The following MAP3K14 variants were observed in gnomAD, a reference collection of about 807,000 sequenced individuals.
The protein encoded by MAP3K14 is NF-kappa-beta-inducing kinase.
MAP3K14 carries 16 observed loss-of-function variants against 99.2 expected under a neutral mutation model. That is an observed-to-expected ratio of 0.16 (90% confidence interval 0.11 to 0.24). MAP3K14 has a LOEUF of 0.24. MAP3K14 is among the 10% of genes least tolerant of loss of function. MAP3K14 has a pLI of 1.00. For synonymous variants in MAP3K14, 462 were observed against 492.4 expected (o/e 0.94, Z 0.82); for missense variants, 784 against 1,208.7 (o/e 0.65, Z 5.21).
intron 3 of MAP3K14, among the ~76,000 whole-genome samples, chr17:45,288,139 G>C (rs2044282171): frequency 6.6e-6 from 1 of 152,212 alleles, no homozygotes; most frequent in Admixed American, 6.5e-5. Context: ...CAGTCCTGGG[G>C]ACCACTGGAG....
intron 11 of MAP3K14, 147 bp downstream of exon 11, chr17:45,270,266 A>G: frequency 9.5e-7 from 1 of 1,049,996 alleles, no homozygotes; most frequent in Non-Finnish European, 1.3e-6. Flanking sequence ...CAATCTCCCA[A>G]CAACCCTGAG....
intron 1 of MAP3K14, among the ~76,000 whole-genome samples, chr17:45,298,382 C>T (rs192665841): frequency 7.2e-5 from 11 of 152,250 alleles, no homozygotes; most frequent in South Asian, 2.1e-4. Context: ...AACCACAGTA[C>T]ATGTGAGTAG....
intron 1 of MAP3K14, among the ~76,000 whole-genome samples, chr17:45,292,798 T>G (rs535722838): frequency 5.9e-5 from 9 of 152,240 alleles, no homozygotes; most frequent in African/African-American, 2.2e-4. Context: ...CTAACAGCAG[T>G]AGGGAATGCT....
intron 1 of MAP3K14, among the ~76,000 whole-genome samples, chr17:45,305,743 T>C (rs2044425937): frequency 6.6e-6 from 1 of 152,174 alleles, no homozygotes; most frequent in African/African-American, 2.4e-5. Flanking sequence ...CACTGAAGCC[T>C]ACCTCCCACA....
At position 45,286,443 on chromosome 17, in the gene MAP3K14, G is replaced by A. The variant is rs762415741; in HGVS notation, c.1140C>T (p.Val380=). The part of the protein sequence containing the change: ...PSPKTEDNEG[V]LLTEKLKPVD... ...GGGGATTAGTTACCTCAGTGAGCAG[G>A]ACACCCTCGTTGTCCTCAGTTTTGG... The change falls in exon 5 of 16, where the codon GTC becomes GTT. Residue 380 remains valine, a synonymous_variant. Transcript: ENST00000344686. The surrounding 1 kb of genome is among the most constrained non-coding windows in gnomAD (Gnocchi z 4.1). The A allele has an allele frequency of 6.3e-6, 10 of 1,595,800 alleles. No individual in the cohort carries two copies. Among genetic ancestry groups the A allele is most frequent in the Non-Finnish European group, 8.6e-6 (10 of 1,168,202 alleles).
At chr17:45,273,410 A>C in intron 9 of MAP3K14, 93 bp downstream of exon 9, 1 of 935,424 alleles carries the variant, frequency 1.1e-6, no homozygotes, top group Non-Finnish European at 1.7e-6. Context: ...GGTGGACCTA[A>C]GTGTTCACAC....
chr17:45,263,522 T>A lies in MAP3K14; in HGVS notation c.*1114A>T, dbSNP rs2044037148. On this transcript the variant is annotated 3_prime_UTR_variant, in exon 16 of 16. Transcript: ENST00000344686. ...TGTGGACAGCTCAAGACTGTGTCCC[T>A]TCACCCCATCTCCTGGCTTGCTATG... The A allele has an allele frequency of 1.3e-5, 2 of 152,756 alleles. No homozygotes were observed. The highest frequency in any genetic ancestry group is 4.8e-5 in the African/African-American group (2 of 41,468). The allele number at this position is 152,756 out of a possible 1,614,324, so 9.5% of individuals were successfully genotyped here. A position where few individuals can be genotyped will look rare whatever the true frequency, so the allele number is the denominator to read the frequency against.
chr17:45,290,949 C>T lies in MAP3K14; in HGVS notation c.-20-184G>A, dbSNP rs57970804. The T allele has an allele frequency of 1.1e-3, 661 of 583,326 alleles. 8 individuals are homozygous for T. The highest frequency in any genetic ancestry group is 0.011 in the African/African-American group (584 of 53,586). 36.1% of individuals were successfully genotyped at this position (583,326 alleles called of 1,614,324 possible). On this transcript the variant is annotated intron_variant, in intron 1 of 15. Transcript: ENST00000344686. ...AACAGAGTCCACCTCTCAACAGCTA[C>T]ACGTTCCACACGGCACAGTCCCCCG... is the stretch of plus-strand genomic sequence containing the variant.
At position 45,273,458 on chromosome 17, in the gene MAP3K14, C is replaced by T. The variant is rs367864925; in HGVS notation, c.1657+45G>A. On this transcript the variant is annotated intron_variant, in intron 9 of 15. Coordinates refer to ENST00000344686, the MANE Select transcript of MAP3K14 (RefSeq NM_003954.5). ...TCTGGAAAGCATGGAAGGCATTTGG[C>T]GAATGAATGCATTGGGGGGCACGGC... 4.7e-5 allele frequency: 67 copies of T among 1,435,380 alleles called. 2 individuals are homozygous for T. Among genetic ancestry groups the T allele is most frequent in the African/African-American group, 2.7e-4 (19 of 71,170 alleles). The allele number at this position is 1,435,380 out of a possible 1,614,324, so 88.9% of individuals were successfully genotyped here. A position where few individuals can be genotyped will look rare whatever the true frequency, so the allele number is the denominator to read the frequency against.
At chr17:45,302,393 C>T (rs763042380) in intron 1 of MAP3K14, among the ~76,000 whole-genome samples, 1 of 152,200 alleles carries the variant, frequency 6.6e-6, no homozygotes, top group Admixed American at 6.5e-5. Context: ...CTGCAACTTC[C>T]GCCTCTTGGG....
chr17:45,298,412 G>C (rs548163263), intron 1 of MAP3K14, among the ~76,000 whole-genome samples: 2 of 152,286 alleles, frequency 1.3e-5, no homozygotes, highest in Non-Finnish European at 2.9e-5. Context: ...CAGCAAACCA[G>C]ATTGGATTTT....
At chr17:45,301,855 T>C (rs2044391176) in intron 1 of MAP3K14, among the ~76,000 whole-genome samples, 1 of 149,526 alleles carries the variant, frequency 6.7e-6, no homozygotes, top group African/African-American at 2.5e-5. Flanking sequence ...TTTTTTGAGA[T>C]GCAGTCTCAC....
At chr17:45,269,249 C>T (rs2044123678) in intron 11 of MAP3K14, among the ~76,000 whole-genome samples, 1 of 152,060 alleles carries the variant, frequency 6.6e-6, no homozygotes, top group African/African-American at 2.4e-5. Flanking sequence ...TGGCCTCAAG[C>T]GATCCTCCTG....
At chr17:45,265,056 T>C in intron 15 of MAP3K14, 107 bp downstream of exon 15, 2 of 970,196 alleles carry the variant, frequency 2.1e-6, no homozygotes, top group Non-Finnish European at 3.3e-6. Context: ...TTCCAAGTAT[T>C]CCCTAGAGTG....
At chr17:45,301,601 T>G (rs1285797265) in intron 1 of MAP3K14, among the ~76,000 whole-genome samples, 1 of 152,112 alleles carries the variant, frequency 6.6e-6, no homozygotes, top group Non-Finnish European at 1.5e-5. Flanking sequence ...TTTAACAATA[T>G]GGAAAAATGG....
At position 45,284,836 on chromosome 17, in the gene MAP3K14, A is replaced by C; in HGVS notation, c.1266T>G (p.Thr422=). The part of the protein sequence containing the change: ...GEVHRMEDKQ[T]GFQCAVKKVR... ...CCTTTTTGACAGCGCACTGGAAGCCAGTCTGCTTGTCCTCCATCCTGTGCA... is the reference window on the plus strand; with the variant it reads ...CCTTTTTGACAGCGCACTGGAAGCCCGTCTGCTTGTCCTCCATCCTGTGCA... The change falls in exon 6 of 16, where the codon ACT becomes ACG. Residue 422 remains threonine (T), a synonymous_variant. Coordinates refer to ENST00000344686, the MANE Select transcript of MAP3K14 (RefSeq NM_003954.5). 1 of 1,595,506 alleles carries C rather than the reference A, an allele frequency of 6.3e-7. No individual in the cohort carries two copies. The highest frequency in any genetic ancestry group is 8.5e-7 in the Non-Finnish European group (1 of 1,171,368).
At chr17:45,300,075 C>T (rs1309782762) in intron 1 of MAP3K14, among the ~76,000 whole-genome samples, 1 of 152,036 alleles carries the variant, frequency 6.6e-6, no homozygotes, top group Non-Finnish European at 1.5e-5. Flanking sequence ...GGCAACAGAG[C>T]GAGACTCCAT....
intron 1 of MAP3K14, among the ~76,000 whole-genome samples, chr17:45,297,699 G>A (rs1057053021): frequency 6.7e-6 from 1 of 149,936 alleles, no homozygotes; most frequent in Non-Finnish European, 1.5e-5. Context: ...AGTTGAATAT[G>A]AGAAATTGGT....
chr17:45,289,230 G>A lies in MAP3K14; in HGVS notation c.326+6C>T. On this transcript the variant is annotated splice_donor_region_variant and intron_variant, in intron 3 of 15. Coordinates refer to ENST00000344686, the MANE Select transcript of MAP3K14 (RefSeq NM_003954.5). The stretch of plus-strand genomic sequence containing the variant: ...CTTCCCACTCAGGCTTGTCTCCCCT[G>A]CTTACCTGTACTGTTTGGACCCAGC... 1 of 1,613,606 alleles carries A rather than the reference G, an allele frequency of 6.2e-7. No homozygotes were observed. Among genetic ancestry groups the A allele is most frequent in the Non-Finnish European group, 8.5e-7 (1 of 1,179,572 alleles).
Sources: gnomAD v4.1 joint callset for allele counts (sites outside exome capture counted in the v4.1 genomes callset) on GRCh38, gnomAD v4.1.1 for gene constraint, Gnocchi (gnomAD v3.1) non-coding constraint, MANE v1.5 for transcripts, NCBI Gene and HGNC (gene_info 2026-07-23, HGNC 2026-07-21) for gene names.